ZNF234: variants seen among roughly 807,000 people sequenced by gnomAD.
ZNF234 encodes the protein C2-H2 type zinc finger protein.
Under a neutral mutation model 10.3 loss-of-function variants are expected in ZNF234, and 4 were observed. That is an observed-to-expected ratio of 0.39 (90% CI 0.19 to 0.89). ZNF234 has a LOEUF of 0.89. Among genes scored for constraint, ZNF234 ranks in the 40% least tolerant of loss-of-function variants. The pLI is 0.38. For missense variants in ZNF234, 711 were observed against 836.1 expected, an observed-to-expected ratio of 0.85 and a Z score of 1.85; for synonymous variants, 258 against 280.1, an observed-to-expected ratio of 0.92 and a Z score of 0.79.
At position 44,158,138 on chromosome 19, in the gene ZNF234, A is replaced by C; in HGVS notation, c.*19A>C. The C allele has an allele frequency of 3.2e-6, 5 of 1,576,904 alleles. No individual in the cohort carries two copies. The highest frequency in any genetic ancestry group is 1.4e-5 in the African/African-American group (1 of 72,096). On this transcript the variant is annotated 3_prime_UTR_variant, in exon 6 of 6. Coordinates refer to ENST00000426739, the MANE Select transcript of ZNF234 (RefSeq NM_006630.3). ...AAGGTGATTAAAAAAAAAAAAACAG[A>C]ACTCATGTACAACCTGAATGCTTGT...
intron 5 of ZNF234, among the ~76,000 whole-genome samples, chr19:44,153,047 C>A (rs1280650233): frequency 6.6e-6 from 1 of 151,382 alleles, no homozygotes; most frequent in Non-Finnish European, 1.5e-5. Context: ...GACATTATAA[C>A]CTGGGAAAAA....
At position 44,157,030 on chromosome 19, in the gene ZNF234, C is replaced by T; in HGVS notation, c.1014C>T (p.His338=). ...SSNLRIHQRV[H]TGEKPYKCEE... ...ACCTTCGTATCCATCAAAGGGTCCA[C>T]ACAGGAGAGAAACCTTACAAGTGTG... The change falls in exon 6 of 6, where the codon CAC becomes CAT. Residue 338 remains histidine (H), a synonymous_variant. Transcript: ENST00000426739. The T allele has an allele frequency of 6.2e-7, 1 of 1,614,214 alleles. No homozygotes were observed. The highest frequency in any genetic ancestry group is 8.5e-7 in the Non-Finnish European group (1 of 1,180,040).
chr19:44,157,523 T>G lies in ZNF234; in HGVS notation c.1507T>G (p.Cys503Gly). Residue 503 changes from cysteine (C) to glycine (G), a missense_variant, in exon 6 of 6, where the codon TGT becomes GGT. Coordinates refer to ENST00000426739, the MANE Select transcript of ZNF234 (RefSeq NM_006630.3). ...TCGTAGAGCAGATCTTAAAATTCATTGTAGGATCCACACAGGGGAGAAACC... is the reference window on the plus strand; with the variant it reads ...TCGTAGAGCAGATCTTAAAATTCATGGTAGGATCCACACAGGGGAGAAACC... ...FSRRADLKIH[C>G]RIHTGEKPYN... 6.2e-7 allele frequency: 1 copy of G among 1,613,768 alleles called. No individual in the cohort carries two copies. Among genetic ancestry groups the G allele is most frequent in the Non-Finnish European group, 8.5e-7 (1 of 1,179,928 alleles).
Position 44,158,066 on chromosome 19 carries a change from G to C in ZNF234, c.2050G>C (p.Glu684Gln). 1 of 1,612,384 alleles carries C rather than the reference G, an allele frequency of 6.2e-7. No homozygotes were observed. The highest frequency in any genetic ancestry group is 8.5e-7 in the Non-Finnish European group (1 of 1,179,622). Residue 684 changes from glutamate to glutamine, a missense_variant, in exon 6 of 6, where the codon GAG becomes CAG. Glu to Gln is a conservative substitution (Grantham distance 29). Coordinates refer to ENST00000426739, the MANE Select transcript of ZNF234 (RefSeq NM_006630.3). ...TGCTGGTACATTTTATGAAAATGATGAGAATAGTAAGAACATCAGAGAGTT... is the reference window on the plus strand; with the variant it reads ...TGCTGGTACATTTTATGAAAATGATCAGAATAGTAAGAACATCAGAGAGTT... Reference protein sequence around the residue: ...HAAGTFYENDENSKNIRELSE... With the variant: ...HAAGTFYENDQNSKNIRELSE...
Position 44,157,280 on chromosome 19 carries a change from C to A in ZNF234, c.1264C>A (p.His422Asn). Residue 422 changes from histidine (H) to asparagine (N), a missense_variant, in exon 6 of 6, where the codon CAC (histidine) becomes AAC (asparagine). Physicochemically the swap from His to Asn is moderately conservative, Grantham distance 68. Transcript: ENST00000426739. ...TCATTATCAAGTGCATCTGGTAGTCCACACAGGGGAAAAACCCTATAAATG... is the reference window on the plus strand; with the variant it reads ...TCATTATCAAGTGCATCTGGTAGTCAACACAGGGGAAAAACCCTATAAATG... Reference protein sequence around the residue: ...KIHYQVHLVVHTGEKPYKCEV... With the variant: ...KIHYQVHLVVNTGEKPYKCEV... The A allele has an allele frequency of 6.2e-7, 1 of 1,613,966 alleles. No homozygotes were observed. Among genetic ancestry groups the A allele is most frequent in the Non-Finnish European group, 8.5e-7 (1 of 1,179,946 alleles).
At position 44,156,448 on chromosome 19, in the gene ZNF234, A is replaced by T; in HGVS notation, c.432A>T (p.Gly144=). The part of the protein sequence containing the change: ...VRAGLYTTHT[G]QKFYQCDEYK... ...CAGGACTATATACAACTCACACAGG[A>T]CAGAAATTTTACCAATGTGATGAGT... The change falls in exon 6 of 6, where the codon GGA becomes GGT. Residue 144 remains glycine, a synonymous_variant. Coordinates refer to ENST00000426739, the MANE Select transcript of ZNF234 (RefSeq NM_006630.3). 1 of 1,613,720 alleles carries T rather than the reference A, an allele frequency of 6.2e-7. No homozygotes were observed. Among genetic ancestry groups the T allele is most frequent in the Non-Finnish European group, 8.5e-7 (1 of 1,179,800 alleles).
chr19:44,149,379 C>G (rs886149969), intron 4 of ZNF234, among the ~76,000 whole-genome samples: 1 of 151,944 alleles, frequency 6.6e-6, no homozygotes, highest in Non-Finnish European at 1.5e-5. Flanking sequence ...ATCCAGGAGG[C>G]AGAGGTTGTA....
intron 3 of ZNF234, among the ~76,000 whole-genome samples, chr19:44,146,338 G>C (rs979021350): frequency 2.0e-5 from 3 of 152,198 alleles, no homozygotes; most frequent in African/African-American, 4.8e-5. Flanking sequence ...TATATACCCA[G>C]TAATGAGATG....
intron 5 of ZNF234, among the ~76,000 whole-genome samples, chr19:44,155,591 C>G (rs1968858524): frequency 6.6e-6 from 1 of 152,148 alleles, no homozygotes; most frequent in Admixed American, 6.5e-5. Flanking sequence ...TGAACACATG[C>G]AGGTCAAACC....
intron 5 of ZNF234, among the ~76,000 whole-genome samples, chr19:44,153,566 G>C (rs1968800642): frequency 6.6e-6 from 1 of 152,024 alleles, no homozygotes; most frequent in Non-Finnish European, 1.5e-5. Flanking sequence ...AAAAACTGTT[G>C]TGAAAGGCCC....
rs753522817 is a variant in ZNF234, at chr19:44,157,871, A to G, written c.1855A>G (p.Thr619Ala). ...SSLQLHQSVH[T>A]GEKPYKCDVC... ...TCTCCAACTTCATCAGAGTGTCCAC[A>G]CAGGAGAGAAACCATACAAATGTGA... The change falls in exon 6 of 6, where the codon ACA becomes GCA. Residue 619 changes from threonine (T) to alanine (A), a missense_variant. Physicochemically the swap from Thr to Ala is moderately conservative, Grantham distance 58. Transcript: ENST00000426739. The G allele has an allele frequency of 7.4e-6, 12 of 1,614,204 alleles. No individual in the cohort carries two copies. In the East Asian group the frequency reaches 2.7e-4, roughly 36 times the overall value.
chr19:44,142,646 T>C (rs1170790732), intron 2 of ZNF234, among the ~76,000 whole-genome samples: 1 of 152,194 alleles, frequency 6.6e-6, no homozygotes, highest in African/African-American at 2.4e-5. Flanking sequence ...GAACTAGCTG[T>C]ACTCAGGTGG....
chr19:44,142,513 G>C (rs142445394), intron 2 of ZNF234, 146 bp downstream of exon 2: 1 of 152,348 alleles, frequency 6.6e-6, no homozygotes, highest in East Asian at 1.9e-4. Context: ...AAGCCGCAAC[G>C]TGACTCTGTG....
chr19:44,150,741 C>G (rs1006327319), intron 5 of ZNF234, among the ~76,000 whole-genome samples: 1 of 152,102 alleles, frequency 6.6e-6, no homozygotes, highest in Non-Finnish European at 1.5e-5. Context: ...GATTGCCATT[C>G]CTCTACTTAA....
intron 5 of ZNF234, among the ~76,000 whole-genome samples, chr19:44,154,198 C>G (rs891327159): frequency 6.6e-6 from 1 of 152,114 alleles, no homozygotes; most frequent in African/African-American, 2.4e-5. Context: ...AGAGTTCCTC[C>G]CTGAATATAA....
At chr19:44,143,628 A>G (rs1442085862) in intron 2 of ZNF234, among the ~76,000 whole-genome samples, 1 of 151,002 alleles carries the variant, frequency 6.6e-6, no homozygotes, top group African/African-American at 2.4e-5. Flanking sequence ...AAAAAAAAAA[A>G]AAAAGAAAAC....
intron 5 of ZNF234, among the ~76,000 whole-genome samples, chr19:44,150,852 G>A (rs1216313302): frequency 6.6e-6 from 1 of 151,920 alleles, no homozygotes; most frequent in Non-Finnish European, 1.5e-5. Flanking sequence ...TGGCTAACAT[G>A]GCAAAACCTC....
chr19:44,159,688 T>C lies in ZNF234; in HGVS notation c.*1569T>C. 1 of 434,534 alleles carries C rather than the reference T, an allele frequency of 2.3e-6. No individual in the cohort carries two copies. The highest frequency in any genetic ancestry group is 4.8e-6 in the Non-Finnish European group (1 of 206,508). 26.9% of individuals were successfully genotyped at this position (434,534 alleles called of 1,614,324 possible). A position where few individuals can be genotyped will look rare whatever the true frequency, so the allele number is the denominator to read the frequency against. On this transcript the variant is annotated 3_prime_UTR_variant, in exon 6 of 6. Transcript: ENST00000426739. ...TTTATTTGATTTCTGACTTTCCACA[T>C]TTCCATCCAGACTTTGACATGATTG...
At chr19:44,149,290 A>G (rs1235119068) in intron 4 of ZNF234, among the ~76,000 whole-genome samples, 1 of 152,136 alleles carries the variant, frequency 6.6e-6, no homozygotes, top group African/African-American at 2.4e-5. Flanking sequence ...AAAATAAAAA[A>G]TACAAAAATT....
Sources: gnomAD v4.1 joint callset for allele counts (sites outside exome capture counted in the v4.1 genomes callset) on GRCh38, gnomAD v4.1.1 for gene constraint, MANE v1.5 for transcripts, NCBI Gene and HGNC (gene_info 2026-07-23, HGNC 2026-07-21) for gene names.